The following TBR1 variants were observed in gnomAD, a reference collection of about 807,000 sequenced individuals.
TBR1 encodes T-box brain transcription factor 1, also known as T-box brain protein 1.
In TBR1, 7 loss-of-function variants were observed where a neutral mutation model predicts 60.3. That is an observed-to-expected ratio of 0.12 (90% CI 0.07 to 0.22). The LOEUF (loss-of-function observed/expected upper bound fraction) is 0.22. Ranked by LOEUF, TBR1 falls within the 10% of genes least tolerant of loss-of-function variation. The pLI, the probability that TBR1 is intolerant of heterozygous loss-of-function variation, is 1.00. For synonymous variants in TBR1, 417 were observed against 409.9 expected (o/e 1.02, Z -0.21); for missense variants, 616 against 936.8 (o/e 0.66, Z 4.47).
At position 161,423,893 on chromosome 2, in the gene TBR1, C is replaced by T; in HGVS notation, c.1715C>T (p.Ala572Val). ...LPCWPNSAAA[A>V]ARMAGANPYL... is the part of the protein sequence containing the mutation. The stretch of plus-strand genomic sequence containing the variant: ...TGCTGGCCCAACAGCGCCGCGGCCG[C>T]CGCGCGCATGGCCGGCGCCAATCCC... The change falls in exon 6 of 6, where the codon GCC (alanine) becomes GTC (valine). Residue 572 changes from alanine to valine, a missense_variant. Coordinates refer to ENST00000389554, the MANE Select transcript of TBR1 (RefSeq NM_006593.4). 1 of 1,370,636 alleles carries T rather than the reference C, an allele frequency of 7.3e-7. No individual in the cohort carries two copies. The highest frequency in any genetic ancestry group is 9.4e-7 in the Non-Finnish European group (1 of 1,065,548). 84.9% of individuals were successfully genotyped at this position (1,370,636 alleles called of 1,614,324 possible). A position where few individuals can be genotyped will look rare whatever the true frequency, so the allele number is the denominator to read the frequency against.
chr2:161,417,652 C>A lies in TBR1; in HGVS notation c.693-24C>A. 1.3e-6 allele frequency: 2 copies of A among 1,596,056 alleles called. No individual in the cohort carries two copies. Among genetic ancestry groups the A allele is most frequent in the Non-Finnish European group, 1.7e-6 (2 of 1,171,710 alleles). Reference sequence around the variant, plus strand: ...TATGTTTCTTTTTTCCTTGTTTTCTCCCCCCACCCCTTAATTTAAATAGGC... The same window carrying A: ...TATGTTTCTTTTTTCCTTGTTTTCTACCCCCACCCCTTAATTTAAATAGGC... On this transcript the variant is annotated intron_variant, in intron 1 of 5. Coordinates refer to ENST00000389554, the MANE Select transcript of TBR1 (RefSeq NM_006593.4). This position sits in a 1 kb window ranked among gnomAD's most constrained non-coding sequence, Gnocchi z 5.3.
chr2:161,424,186 A>G lies in TBR1; in HGVS notation c.2008A>G (p.Lys670Glu). 6.2e-7 allele frequency: 1 copy of G among 1,611,964 alleles called. No homozygotes were observed. Among genetic ancestry groups the G allele is most frequent in the Middle Eastern group, 1.7e-4 (1 of 6,054 alleles). ...GCGGGACTGCGAGAAGAACTGCGCC[A>G]AGGACATTAGCGGCTACTATGGCTT... ...AQRDCEKNCA[K>E]DISGYYGFYS... The change falls in exon 6 of 6, where the codon AAG becomes GAG. Residue 670 changes from lysine to glutamate, a missense_variant. Physicochemically the swap from Lys to Glu is moderately conservative, Grantham distance 56. Coordinates refer to ENST00000389554, the MANE Select transcript of TBR1 (RefSeq NM_006593.4). The surrounding 1 kb of genome is among the most constrained non-coding windows in gnomAD (Gnocchi z 4.4).
rs1293697785 is a variant in TBR1, at chr2:161,423,951, C to G, written c.1773C>G (p.Ala591=). The G allele has an allele frequency of 6.5e-7, 1 of 1,545,938 alleles. No homozygotes were observed. Among genetic ancestry groups the G allele is most frequent in the Non-Finnish European group, 8.7e-7 (1 of 1,144,850 alleles). ...YLGEEAEGLA[A]ERSPLPPGAA... is the part of the protein sequence containing the mutation. ...GCGAGGAGGCCGAGGGCCTGGCCGC[C>G]GAGCGCTCGCCGCTGCCGCCCGGCG... The change falls in exon 6 of 6, where the codon GCC becomes GCG. Residue 591 remains alanine (A), a synonymous_variant. Transcript: ENST00000389554.
At chr2:161,421,331 T>G (rs1261173648) in intron 5 of TBR1, 1 of 152,248 alleles carries the variant, frequency 6.6e-6, no homozygotes, top group Non-Finnish European at 1.5e-5. Context: ...CCTCCTGATA[T>G]TTTCTAATAA....
Position 161,424,280 on chromosome 2 carries a change from C to T in TBR1, c.*53C>T, listed in dbSNP as rs1684287421. Reference sequence around the variant, plus strand: ...CGGCCCGGACCCCCAGCCAGCCCCTCACAGCTCTTCCCCAGCTCCGCCTCC... The same window carrying T: ...CGGCCCGGACCCCCAGCCAGCCCCTTACAGCTCTTCCCCAGCTCCGCCTCC... On this transcript the variant is annotated 3_prime_UTR_variant, in exon 6 of 6. Coordinates refer to ENST00000389554, the MANE Select transcript of TBR1 (RefSeq NM_006593.4). The surrounding 1 kb of genome is among the most constrained non-coding windows in gnomAD (Gnocchi z 4.4). The T allele has an allele frequency of 6.7e-7, 1 of 1,490,132 alleles. No individual in the cohort carries two copies. Among genetic ancestry groups the T allele is most frequent in the African/African-American group, 1.4e-5 (1 of 71,956 alleles). The allele number at this position is 1,490,132 out of a possible 1,614,324, so 92.3% of individuals were successfully genotyped here.
chr2:161,420,192 C>A lies in TBR1; in HGVS notation c.1129-4C>A, dbSNP rs200776596. Reference sequence around the variant, plus strand: ...AGATAACATTCATTTTTTTTCTTTGCCAGATTACACAACTGAAAATAGATC... The same window carrying A: ...AGATAACATTCATTTTTTTTCTTTGACAGATTACACAACTGAAAATAGATC... On this transcript the variant is annotated splice_region_variant and splice_polypyrimidine_tract_variant and intron_variant, in intron 4 of 5. Transcript: ENST00000389554. 45 of 1,610,912 alleles carry A rather than the reference C, an allele frequency of 2.8e-5. No individual in the cohort carries two copies. Among genetic ancestry groups the A allele is most frequent in the Middle Eastern group, 1.6e-4 (1 of 6,064 alleles).
rs778312516 is a variant in TBR1, at chr2:161,416,872, C to T, written c.462C>T (p.Asn154=). The T allele has an allele frequency of 9.3e-6, 15 of 1,613,886 alleles. No homozygotes were observed. The highest frequency in any genetic ancestry group is 1.1e-5 in the Non-Finnish European group (13 of 1,179,984). ...RYMAHHPVIT[N]GAYNSLLSNS... is the part of the protein sequence containing the mutation. ...TGGCCCACCACCCGGTCATCACCAA[C>T]GGAGCCTACAACAGCCTCCTGTCCA... Residue 154 remains asparagine (N), a synonymous_variant, in exon 1 of 6, where the codon AAC becomes AAT. Coordinates refer to ENST00000389554, the MANE Select transcript of TBR1 (RefSeq NM_006593.4). This position sits in a 1 kb window ranked among gnomAD's most constrained non-coding sequence, Gnocchi z 6.1.
At position 161,417,195 on chromosome 2, in the gene TBR1, C is replaced by T; in HGVS notation, c.692+93C>T. The T allele has an allele frequency of 1.5e-6, 2 of 1,374,160 alleles. No individual in the cohort carries two copies. The highest frequency in any genetic ancestry group is 2.0e-6 in the Non-Finnish European group (2 of 1,019,224). The allele number at this position is 1,374,160 out of a possible 1,614,324, so 85.1% of individuals were successfully genotyped here. ...TGCCGCGGCAGCGACGATTTGGGGT[C>T]GGGAGCGGAGTGGAAGGCGCCCTAG... On this transcript the variant is annotated intron_variant, in intron 1 of 5. Coordinates refer to ENST00000389554, the MANE Select transcript of TBR1 (RefSeq NM_006593.4). This position sits in a 1 kb window ranked among gnomAD's most constrained non-coding sequence, Gnocchi z 5.3.
At chr2:161,418,514 G>A (rs1684171305) in intron 3 of TBR1, 192 bp downstream of exon 3, 1 of 868,730 alleles carries the variant, frequency 1.2e-6, no homozygotes, top group East Asian at 2.9e-5. Context: ...CAACACCTCC[G>A]TCGGCCCAAT....
At position 161,417,842 on chromosome 2, in the gene TBR1, C is replaced by A; in HGVS notation, c.847+12C>A. On this transcript the variant is annotated intron_variant, in intron 2 of 5. Transcript: ENST00000389554. The surrounding 1 kb of genome is among the most constrained non-coding windows in gnomAD (Gnocchi z 5.3). ...CACCAATGTGCAAGGCAAGTCCTTC[C>A]AATTAACACATTTTCTTGACACTTA... is the stretch of plus-strand genomic sequence containing the variant. 3.1e-6 allele frequency: 5 copies of A among 1,612,524 alleles called. No homozygotes were observed. The highest frequency in any genetic ancestry group is 3.4e-6 in the Non-Finnish European group (4 of 1,179,452).
At chr2:161,419,316 T>C in intron 4 of TBR1, 1 of 423,148 alleles carries the variant, frequency 2.4e-6, no homozygotes. Flanking sequence ...TAAAGACTCT[T>C]CTTTTGGGAG....
In TBR1 at chr2:161,416,992, C is replaced by T. The variant is rs759749629; in HGVS notation, c.582C>T (p.Ser194=). The change falls in exon 1 of 6, where the codon TCC becomes TCT. Residue 194 remains serine, a synonymous_variant. Transcript: ENST00000389554. The surrounding 1 kb of genome is among the most constrained non-coding windows in gnomAD (Gnocchi z 6.1). The part of the protein sequence containing the change: ...YQGAPFYQFS[S]TQPGLVPGKA... ...GAGCTCCGTTCTACCAGTTCTCCTC[C>T]ACCCAGCCGGGGCTGGTGCCCGGCA... 2 of 1,614,186 alleles carry T rather than the reference C, an allele frequency of 1.2e-6. No homozygotes were observed. Among genetic ancestry groups the T allele is most frequent in the Non-Finnish European group, 1.7e-6 (2 of 1,180,044 alleles).
chr2:161,422,095 G>T (rs1438126858), intron 5 of TBR1: 1 of 152,168 alleles, frequency 6.6e-6, no homozygotes, highest in Non-Finnish European at 1.5e-5. Context: ...GGTTCATGGG[G>T]TACTAGGAGC....
intron 4 of TBR1, 33 bp downstream of exon 4, chr2:161,419,083 G>A: frequency 6.2e-7 from 1 of 1,613,392 alleles, no homozygotes; most frequent in Non-Finnish European, 8.5e-7. Flanking sequence ...GGCGAGGCGG[G>A]CGGCACAGAC....
In TBR1 at chr2:161,417,132, C is replaced by G. The variant is rs780851933; in HGVS notation, c.692+30C>G. 1 of 1,544,134 alleles carries G rather than the reference C, an allele frequency of 6.5e-7. No individual in the cohort carries two copies. The highest frequency in any genetic ancestry group is 1.9e-5 in the Admixed American group (1 of 51,950). On this transcript the variant is annotated intron_variant, in intron 1 of 5. Coordinates refer to ENST00000389554, the MANE Select transcript of TBR1 (RefSeq NM_006593.4). The surrounding 1 kb of genome is among the most constrained non-coding windows in gnomAD (Gnocchi z 5.3). ...TACTACATTTTTGGCTGCCGCTGCT[C>G]TAGGCGCAGCCGGGGACAAGTGCAC...
chr2:161,420,379 ACTTCTT>A (rs565154613), intron 5 of TBR1, 122 bp downstream of exon 5: 4 of 451,044 alleles, frequency 8.9e-6, no homozygotes, highest in Admixed American at 8.3e-5. Context: ...GTTTTAGAGG[ACTTCTT>A]CTTCTTCGTC....
In TBR1 at chr2:161,424,268, C is replaced by A; in HGVS notation, c.*41C>A. 6.6e-7 allele frequency: 1 copy of A among 1,508,444 alleles called. No homozygotes were observed. Among genetic ancestry groups the A allele is most frequent in the South Asian group, 1.3e-5 (1 of 77,284 alleles). 93.4% of individuals were successfully genotyped at this position (1,508,444 alleles called of 1,614,324 possible). On this transcript the variant is annotated 3_prime_UTR_variant, in exon 6 of 6. Transcript: ENST00000389554. This position sits in a 1 kb window ranked among gnomAD's most constrained non-coding sequence, Gnocchi z 4.4. ...CCGGCCCCGCCGCGGCCCGGACCCC[C>A]AGCCAGCCCCTCACAGCTCTTCCCC... is the stretch of plus-strand genomic sequence containing the variant.
intron 4 of TBR1, chr2:161,419,561 C>T (rs534556273): frequency 6.5e-6 from 1 of 153,798 alleles, no homozygotes; most frequent in South Asian, 2.0e-4. Flanking sequence ...TATGTGAAAA[C>T]TACAATAAAT....
At position 161,417,109 on chromosome 2, in the gene TBR1, C is replaced by A; in HGVS notation, c.692+7C>A. Reference sequence around the variant, plus strand: ...TCATCACCAAACAGGGAAGGTAATACTACATTTTTGGCTGCCGCTGCTCTA... The same window carrying A: ...TCATCACCAAACAGGGAAGGTAATAATACATTTTTGGCTGCCGCTGCTCTA... On this transcript the variant is annotated splice_region_variant and intron_variant, in intron 1 of 5. Transcript: ENST00000389554. The surrounding 1 kb of genome is among the most constrained non-coding windows in gnomAD (Gnocchi z 5.3). 1 of 1,576,778 alleles carries A rather than the reference C, an allele frequency of 6.3e-7. No homozygotes were observed.
Sources: allele counts gnomAD v4.1 joint callset, GRCh38; gene constraint gnomAD v4.1.1; non-coding constraint Gnocchi (gnomAD v3.1); transcripts MANE v1.5; gene names NCBI Gene and HGNC (gene_info 2026-07-23, HGNC 2026-07-21).